Variants in DCAF6 observed in about 807,000 individuals in gnomAD.
DCAF6 encodes DDB1- and CUL4-associated factor 6.
A neutral mutation model predicts 125.1 loss-of-function variants in DCAF6; 54 were observed. The ratio of observed to expected loss-of-function variants is 0.43; its 90% CI spans 0.35 to 0.54. The LOEUF is 0.54. Ranked by LOEUF, DCAF6 falls within the 20% of genes least tolerant of loss-of-function variation. The pLI is 0.01. For synonymous variants in DCAF6, 371 were observed against 390.4 expected (o/e 0.95, Z 0.58); for missense variants, 934 against 1,161.7 (o/e 0.80, Z 2.85).
chr1:167,918,102 T>C, the DCAF6 span: 1 of 437,310 alleles, frequency 2.3e-6, no homozygotes, highest in Non-Finnish European at 4.1e-6. Context: ...TACGGACAAA[T>C]GGTAGAAAAA....
intron 16 of DCAF6, among the ~76,000 whole-genome samples, chr1:168,048,495 G>A (rs1002119059): frequency 3.3e-5 from 5 of 152,128 alleles, no homozygotes; most frequent in African/African-American, 9.7e-5. Flanking sequence ...GCAATACAGA[G>A]TAATGATTTT....
chr1:167,894,959 C>T, the DCAF6 span, among the ~76,000 whole-genome samples: 10 of 152,088 alleles, frequency 6.6e-5, no homozygotes, highest in East Asian at 1.9e-4. Context: ...CCAAGGCAGG[C>T]GGATCATGAG....
At chr1:167,960,638 A>T (rs566775946) in intron 2 of DCAF6, among the ~76,000 whole-genome samples, 6 of 152,132 alleles carry the variant, frequency 3.9e-5, no homozygotes, top group African/African-American at 7.2e-5. Flanking sequence ...TTCTCCACTT[A>T]TCTTTCTGTT....
chr1:167,963,030 C>T (rs1047341073), intron 2 of DCAF6, among the ~76,000 whole-genome samples: 23 of 151,792 alleles, frequency 1.5e-4, no homozygotes, highest in South Asian at 4.2e-4. Context: ...GAGGCCAAGG[C>T]GGGTGGATCA....
upstream of DCAF6, chr1:167,935,840 A>G: frequency 6.5e-7 from 1 of 1,549,806 alleles, no homozygotes; most frequent in Non-Finnish European, 8.7e-7. Context: ...GGCGGCCGAC[A>G]TCGCCGCCGA....
intron 12 of DCAF6, among the ~76,000 whole-genome samples, chr1:168,037,101 C>T (rs1265643044): frequency 1.3e-5 from 2 of 148,656 alleles, no homozygotes; most frequent in African/African-American, 5.1e-5. Flanking sequence ...GATTCTCCCC[C>T]CCCTTTTTTT....
At chr1:168,072,080 G>C (rs1445066878) in intron 21 of DCAF6, among the ~76,000 whole-genome samples, 1 of 151,560 alleles carries the variant, frequency 6.6e-6, no homozygotes, top group African/African-American at 2.4e-5. Context: ...GGTAGATCAC[G>C]AGGTCAGGAG....
At chr1:167,967,054 T>C (rs1006489991) in intron 3 of DCAF6, among the ~76,000 whole-genome samples, 3 of 152,192 alleles carry the variant, frequency 2.0e-5, no homozygotes, top group African/African-American at 7.2e-5. Context: ...AAAATTACTT[T>C]TATGTGTTAC....
chr1:168,050,957 ATT>A (rs138318449), intron 17 of DCAF6, 24 bp downstream of exon 17: 15 of 1,238,180 alleles, frequency 1.2e-5, no homozygotes, highest in South Asian at 6.3e-5. Context: ...TTCCTTCATA[ATT>A]TTTTTTTTAT....
At chr1:167,969,775 A>AT (rs2102855686) in intron 3 of DCAF6, among the ~76,000 whole-genome samples, 1 of 152,146 alleles carries the variant, frequency 6.6e-6, no homozygotes, top group South Asian at 2.1e-4. Flanking sequence ...TTTTCATTTT[A>AT]TTTTTTATTA....
chr1:168,039,603 A>T (rs1688239914), intron 13 of DCAF6, among the ~76,000 whole-genome samples: 1 of 147,860 alleles, frequency 6.8e-6, no homozygotes, highest in Non-Finnish European at 1.5e-5. Context: ...ATATAGTTGT[A>T]TAATATTTGT....
At chr1:167,947,338 T>C (rs904915016) in intron 1 of DCAF6, among the ~76,000 whole-genome samples, 1 of 151,854 alleles carries the variant, frequency 6.6e-6, no homozygotes, top group Admixed American at 6.5e-5. Context: ...CATTGACCTT[T>C]TGTGGGTTTT....
chr1:167,973,229 TTG>T (rs1571741026), intron 3 of DCAF6, among the ~76,000 whole-genome samples: 2 of 152,212 alleles, frequency 1.3e-5, no homozygotes, highest in African/African-American at 4.8e-5. Flanking sequence ...CCATTTGGAT[TTG>T]TCTGATTGTT....
At chr1:168,045,603 A>G (rs1037706927) in intron 16 of DCAF6, among the ~76,000 whole-genome samples, 15 of 152,134 alleles carry the variant, frequency 9.9e-5, no homozygotes, top group Admixed American at 8.5e-4. Flanking sequence ...TTTGGTTTTA[A>G]TGTTAATTTT....
At chr1:167,880,626 C>G in the DCAF6 span, 1 of 1,547,380 alleles carries the variant, frequency 6.5e-7, no homozygotes, top group Non-Finnish European at 8.9e-7. Context: ...GGGAGAGAGA[C>G]AGCAACCACA....
intron 5 of DCAF6, among the ~76,000 whole-genome samples, chr1:167,990,110 T>A (rs747638535): frequency 1.2e-4 from 19 of 152,164 alleles, no homozygotes; most frequent in Non-Finnish European, 2.1e-4. Flanking sequence ...AATATAGAAG[T>A]CAGTTAATTT....
At chr1:168,060,982 A>G (rs1691517227) in intron 17 of DCAF6, among the ~76,000 whole-genome samples, 1 of 152,078 alleles carries the variant, frequency 6.6e-6, no homozygotes, top group Non-Finnish European at 1.5e-5. Flanking sequence ...GCTACCTATA[A>G]CTCTACTTTC....
At chr1:167,960,284 TTTA>T (rs1675376833) in intron 2 of DCAF6, among the ~76,000 whole-genome samples, 1 of 151,832 alleles carries the variant, frequency 6.6e-6, no homozygotes, top group Non-Finnish European at 1.5e-5. Context: ...CAGTAAAATT[TTTA>T]TTATTATTTA....
At chr1:167,956,135 G>A (rs922270005) in intron 2 of DCAF6, among the ~76,000 whole-genome samples, 2 of 151,930 alleles carry the variant, frequency 1.3e-5, no homozygotes, top group African/African-American at 4.8e-5. Flanking sequence ...GTCAGGTTGA[G>A]GATGTTCTCC....
Sources: allele counts gnomAD v4.1 joint callset (sites outside exome capture counted in the v4.1 genomes callset), GRCh38; gene constraint gnomAD v4.1.1; transcripts MANE v1.5; gene names NCBI Gene and HGNC (gene_info 2026-07-23, HGNC 2026-07-21).